NDUFAF2: variants seen among roughly 807,000 people sequenced by gnomAD.
NDUFAF2 encodes the protein NADH dehydrogenase [ubiquinone] 1 alpha subcomplex assembly factor 2.
In NDUFAF2, 13 loss-of-function variants were observed where a neutral mutation model predicts 22.8. That is an observed-to-expected ratio of 0.57 (90% CI 0.37 to 0.91). NDUFAF2 has a LOEUF of 0.91. Ranked by LOEUF, NDUFAF2 falls within the 40% of genes least tolerant of loss-of-function variation. The pLI is 0.01. For synonymous variants in NDUFAF2, 53 were observed against 64.2 expected (o/e 0.83, Z 0.84); for missense variants, 162 against 195.2 (o/e 0.83, Z 1.01).
intron 3 of NDUFAF2, among the ~76,000 whole-genome samples, chr5:61,132,406 C>G (rs1332565377): frequency 6.6e-6 from 1 of 152,138 alleles, no homozygotes. Flanking sequence ...TTCCCTCCCC[C>G]ACCTCCTTTG....
chr5:61,139,455 G>A (rs1741018238), intron 3 of NDUFAF2, among the ~76,000 whole-genome samples: 1 of 152,248 alleles, frequency 6.6e-6, no homozygotes, highest in African/African-American at 2.4e-5. Flanking sequence ...TAGTAAAAAA[G>A]AGGGCTAGAA....
intron 1 of NDUFAF2, among the ~76,000 whole-genome samples, chr5:60,972,129 G>A (rs1264880471): frequency 1.3e-5 from 2 of 151,694 alleles, no homozygotes; most frequent in Non-Finnish European, 2.9e-5. Context: ...TTTTAGTAGA[G>A]ATGGGGTTTC....
chr5:61,033,052 A>G (rs181140465), intron 1 of NDUFAF2, among the ~76,000 whole-genome samples: 12 of 152,088 alleles, frequency 7.9e-5, no homozygotes, highest in Admixed American at 3.9e-4. Context: ...ATGTTTTTCC[A>G]TTTGTTTGTG....
At chr5:61,008,196 A>C (rs1012022831) in intron 1 of NDUFAF2, among the ~76,000 whole-genome samples, 1 of 151,010 alleles carries the variant, frequency 6.6e-6, no homozygotes, top group African/African-American at 2.4e-5. Flanking sequence ...AGATATACCT[A>C]ATGCTAATTG....
At chr5:60,989,659 A>G (rs948567162) in intron 1 of NDUFAF2, among the ~76,000 whole-genome samples, 12 of 152,212 alleles carry the variant, frequency 7.9e-5, no homozygotes, top group African/African-American at 2.9e-4. Context: ...AAAACCAAAT[A>G]CTGCATGTGT....
At chr5:61,075,033 C>T (rs1202353412) in intron 2 of NDUFAF2, among the ~76,000 whole-genome samples, 3 of 152,140 alleles carry the variant, frequency 2.0e-5, no homozygotes, top group Non-Finnish European at 4.4e-5. Context: ...ATGATCTAGT[C>T]ACCTCCCTCC....
At chr5:61,081,014 A>G (rs901410492) in intron 2 of NDUFAF2, among the ~76,000 whole-genome samples, 4 of 152,260 alleles carry the variant, frequency 2.6e-5, no homozygotes, top group Admixed American at 6.5e-5. Context: ...ATTAAAGTCT[A>G]TGATACATTT....
chr5:61,025,425 A>G (rs1161907044), intron 1 of NDUFAF2, among the ~76,000 whole-genome samples: 2 of 152,142 alleles, frequency 1.3e-5, no homozygotes, highest in Admixed American at 6.6e-5. Flanking sequence ...CTTGGAATAC[A>G]AGTTACTTAA....
chr5:61,069,642 C>G (rs576591334), intron 1 of NDUFAF2, among the ~76,000 whole-genome samples: 1 of 152,178 alleles, frequency 6.6e-6, no homozygotes, highest in South Asian at 2.1e-4. Context: ...GGTTTCTGCT[C>G]TAGAGGCTCC....
At chr5:61,065,679 T>C (rs924724466) in intron 1 of NDUFAF2, among the ~76,000 whole-genome samples, 6 of 152,148 alleles carry the variant, frequency 3.9e-5, no homozygotes, top group Non-Finnish European at 1.5e-5. Flanking sequence ...AGTTTAGTTA[T>C]AGAAGGGAAG....
chr5:61,054,834 G>C (rs781303217), intron 1 of NDUFAF2, among the ~76,000 whole-genome samples: 39 of 152,274 alleles, frequency 2.6e-4, no homozygotes, highest in Middle Eastern at 3.4e-3. Flanking sequence ...TACAAGTAGA[G>C]AGCATTGCTT....
At chr5:61,139,445 T>G (rs988010121) in intron 3 of NDUFAF2, among the ~76,000 whole-genome samples, 2 of 152,226 alleles carry the variant, frequency 1.3e-5, no homozygotes, top group Non-Finnish European at 2.9e-5. Context: ...ACCGTCTGTA[T>G]AGTAAAAAAG....
chr5:61,093,925 G>A (rs888798366), intron 2 of NDUFAF2, among the ~76,000 whole-genome samples: 1 of 152,098 alleles, frequency 6.6e-6, no homozygotes, highest in Non-Finnish European at 1.5e-5. Context: ...ATTTATTACT[G>A]CCTCAATTTC....
At chr5:60,954,468 C>T (rs997174051) in intron 1 of NDUFAF2, among the ~76,000 whole-genome samples, 12 of 152,058 alleles carry the variant, frequency 7.9e-5, no homozygotes, top group South Asian at 4.1e-4. Flanking sequence ...TTGAGTTTTT[C>T]GTCTTTCTTC....
chr5:61,149,235 C>T (rs1023243224), intron 3 of NDUFAF2, among the ~76,000 whole-genome samples: 1 of 152,074 alleles, frequency 6.6e-6, no homozygotes, highest in African/African-American at 2.4e-5. Flanking sequence ...CCTCCCAGAG[C>T]GCTGGGATTA....
chr5:61,019,949 G>A (rs1751557487), intron 1 of NDUFAF2, among the ~76,000 whole-genome samples: 2 of 152,008 alleles, frequency 1.3e-5, no homozygotes, highest in South Asian at 4.1e-4. Context: ...TGGTCTTGGT[G>A]TTTTTTACAG....
chr5:61,098,349 A>G (rs1752668607), intron 2 of NDUFAF2, among the ~76,000 whole-genome samples: 3 of 152,322 alleles, frequency 2.0e-5, no homozygotes, highest in African/African-American at 4.8e-5. Flanking sequence ...ACTGTCTTCC[A>G]TGTGATTCTG....
intron 1 of NDUFAF2, among the ~76,000 whole-genome samples, chr5:60,951,367 T>C (rs1409103384): frequency 6.6e-6 from 1 of 152,214 alleles, no homozygotes; most frequent in African/African-American, 2.4e-5. Flanking sequence ...TATTCTGTTG[T>C]ATGGTTAGAA....
At chr5:61,049,967 TGGCC>T (rs1752004286) in intron 1 of NDUFAF2, among the ~76,000 whole-genome samples, 1 of 151,852 alleles carries the variant, frequency 6.6e-6, no homozygotes. Context: ...TTCCATCTTT[TGGCC>T]CTCCGAAAGT....
Sources: allele counts gnomAD v4.1 joint callset (sites outside exome capture counted in the v4.1 genomes callset), GRCh38; gene constraint gnomAD v4.1.1; transcripts MANE v1.5; gene names NCBI Gene and HGNC (gene_info 2026-07-23, HGNC 2026-07-21).